SEZ6L: variants seen among roughly 807,000 people sequenced by gnomAD.
SEZ6L encodes the protein seizure related 6 homolog like, also known as seizure 6-like protein.
Under a neutral mutation model 106.2 loss-of-function variants are expected in SEZ6L, and 37 were observed. That is an observed-to-expected ratio of 0.35 (90% confidence interval 0.27 to 0.46). The LOEUF (loss-of-function observed/expected upper bound fraction) is 0.46. SEZ6L is among the 20% of genes least tolerant of loss of function. The pLI, the probability that SEZ6L is intolerant of heterozygous loss-of-function variation, is 1.00. For missense variants in SEZ6L, 1,172 were observed against 1,332.8 expected (o/e 0.88, Z 1.88); for synonymous variants, 541 against 570.4 (o/e 0.95, Z 0.73).
intron 1 of SEZ6L, among the ~76,000 whole-genome samples, chr22:26,176,302 A>G (rs1939000713): frequency 6.6e-6 from 1 of 152,262 alleles, no homozygotes; most frequent in South Asian, 2.1e-4. Context: ...AGATGTGGGT[A>G]TCACATAGCA....
chr22:26,209,737 G>A (rs896344019), intron 1 of SEZ6L, among the ~76,000 whole-genome samples: 6 of 144,784 alleles, frequency 4.1e-5, no homozygotes, highest in African/African-American at 1.6e-4. Flanking sequence ...AGGAAGGAGA[G>A]AGGGAGAGAG....
intron 12 of SEZ6L, among the ~76,000 whole-genome samples, chr22:26,356,902 A>G (rs1248296428): frequency 6.6e-6 from 1 of 151,974 alleles, no homozygotes; most frequent in Non-Finnish European, 1.5e-5. Flanking sequence ...ACGGTGAACT[A>G]TCTTGAGCTG....
chr22:26,375,365 C>T (rs2084184491), intron 14 of SEZ6L, among the ~76,000 whole-genome samples: 1 of 152,158 alleles, frequency 6.6e-6, no homozygotes, highest in South Asian at 2.1e-4. Flanking sequence ...GCTCCTATGG[C>T]CAACCCACCA....
intron 1 of SEZ6L, among the ~76,000 whole-genome samples, chr22:26,266,630 A>AG (rs913314629): frequency 6.6e-5 from 10 of 152,098 alleles, no homozygotes; most frequent in Non-Finnish European, 1.2e-4. Context: ...GCAACATATT[A>AG]GGAGCAAGAA....
intron 9 of SEZ6L, among the ~76,000 whole-genome samples, chr22:26,340,180 G>A (rs551974308): frequency 6.6e-6 from 1 of 152,100 alleles, no homozygotes; most frequent in Non-Finnish European, 1.5e-5. Context: ...AGATTGCAGC[G>A]AGCTGAGAGT....
rs1451050797 is a variant in SEZ6L at position 26,169,782 on chromosome 22, G to T, written c.94+19G>T. On this transcript the variant is annotated intron_variant, in intron 1 of 16. Coordinates refer to ENST00000248933, the MANE Select transcript of SEZ6L (RefSeq NM_021115.5). ...GAGCGAGGTAAGCGCCCCGAGGGGC[G>T]GGGCGGGCAGGGGGCAAAGTTGCCG... 1.7e-6 allele frequency: 2 copies of T among 1,203,288 alleles called. No individual in the cohort carries two copies. Among genetic ancestry groups the T allele is most frequent in the Admixed American group, 4.2e-5 (1 of 23,620 alleles). 74.5% of individuals were successfully genotyped at this position (1,203,288 alleles called of 1,614,324 possible).
At chr22:26,210,873 A>C (rs2078137707) in intron 1 of SEZ6L, among the ~76,000 whole-genome samples, 2 of 152,224 alleles carry the variant, frequency 1.3e-5, no homozygotes, top group Admixed American at 1.3e-4. Context: ...TGGCAATTCC[A>C]ATGTCAGGCA....
At chr22:26,338,281 GCTTCTATGCCTAT>G (rs2082706431) in intron 9 of SEZ6L, among the ~76,000 whole-genome samples, 1 of 152,208 alleles carries the variant, frequency 6.6e-6, no homozygotes, top group Admixed American at 6.5e-5. Flanking sequence ...AACTCTGCAG[GCTTCTATGCCTAT>G]CCCCATACCC....
chr22:26,311,279 T>G (rs2081821656), intron 7 of SEZ6L, among the ~76,000 whole-genome samples: 1 of 152,162 alleles, frequency 6.6e-6, no homozygotes, highest in Non-Finnish European at 1.5e-5. Context: ...CTCTTAGAAT[T>G]TAGCCACTTC....
chr22:26,277,470 G>A (rs1462990745), intron 1 of SEZ6L, among the ~76,000 whole-genome samples: 1 of 152,218 alleles, frequency 6.6e-6, no homozygotes. Context: ...AGAACAGCAA[G>A]AAATTAATCA....
At chr22:26,255,776 A>C (rs713634) in intron 1 of SEZ6L, among the ~76,000 whole-genome samples, 32,493 of 152,246 alleles carry the variant, frequency 0.21, 4,057 homozygotes, top group South Asian at 0.32. Context: ...AGTGTTGAGC[A>C]CCTGCTCAGG....
chr22:26,268,652 C>T (rs8141975), intron 1 of SEZ6L, among the ~76,000 whole-genome samples: 8,508 of 152,262 alleles, frequency 0.056, 388 homozygotes, highest in African/African-American at 0.12. Flanking sequence ...AACTGACATT[C>T]GGGATGTTTA....
At chr22:26,348,707 CAAGGGAGGG>C (rs1482361412) in intron 11 of SEZ6L, among the ~76,000 whole-genome samples, 4 of 28,500 alleles carry the variant, frequency 1.4e-4, no homozygotes, top group Non-Finnish European at 2.8e-4. Context: ...AGAAAGAAGG[CAAGGGAGGG>C]AAGGGAGGGA....
rs533314702 is a variant in SEZ6L, at chr22:26,349,723, C to T, written c.2408-1329C>T. ...CTTGCTATGTTGCCCAGGCTGGTCT[C>T]AAACTCCTGGCCTCAGCCTCCCAGA... On this transcript the variant is annotated intron_variant, in intron 11 of 16. Transcript: ENST00000248933. Among the ~76,000 whole-genome samples the T allele has an allele frequency of 3.9e-5, 6 of 152,190 alleles. No individual in the cohort carries two copies. The South Asian group carries it at 1.2e-3, about 32-fold the overall frequency.
chr22:26,294,696 A>G lies in SEZ6L; in HGVS notation c.969+271A>G, dbSNP rs185985057. 6.3e-3 allele frequency among the ~76,000 whole-genome samples: 938 copies of G among 148,322 alleles called. 4 individuals carry two copies. Among genetic ancestry groups the G allele is most frequent in the Non-Finnish European group, 9.0e-3 (608 of 67,446 alleles). ...GATACTCTGCTTATCTCACACACACATACACACACGCATGCACGTGCATAA... is the reference window on the plus strand; with the variant it reads ...GATACTCTGCTTATCTCACACACACGTACACACACGCATGCACGTGCATAA... On this transcript the variant is annotated intron_variant, in intron 3 of 16. Transcript: ENST00000248933.
At chr22:26,365,691 A>G (rs1330669096) in intron 13 of SEZ6L, 125 bp downstream of exon 13, 12 of 777,220 alleles carry the variant, frequency 1.5e-5, no homozygotes, top group East Asian at 2.7e-5. Flanking sequence ...GAGGCAACAT[A>G]GTGAGACCCC....
intron 3 of SEZ6L, 54 bp downstream of exon 3, chr22:26,294,479 G>A (rs1024008518): frequency 3.2e-5 from 51 of 1,581,314 alleles, no homozygotes; most frequent in Middle Eastern, 1.9e-4. Context: ...GGAAGTCTCA[G>A]GAGGATTGTC....
At chr22:26,249,632 TA>T (rs2079499311) in intron 1 of SEZ6L, among the ~76,000 whole-genome samples, 1 of 152,200 alleles carries the variant, frequency 6.6e-6, no homozygotes, top group Admixed American at 6.5e-5. Flanking sequence ...AGTGCTGCAA[TA>T]AACATGGGAG....
intron 1 of SEZ6L, among the ~76,000 whole-genome samples, chr22:26,267,362 T>TG (rs1350292790): frequency 6.6e-6 from 1 of 152,226 alleles, no homozygotes; most frequent in Non-Finnish European, 1.5e-5. Flanking sequence ...TCCAGGGGTT[T>TG]GATATGGCTG....
Sources: allele counts gnomAD v4.1 joint callset (sites outside exome capture counted in the v4.1 genomes callset), GRCh38; gene constraint gnomAD v4.1.1; transcripts MANE v1.5; gene names NCBI Gene and HGNC (gene_info 2026-07-23, HGNC 2026-07-21).